Variants in ZNF521 observed in about 807,000 individuals in gnomAD.
ZNF521 encodes LYST-interacting protein 3.
Under a neutral mutation model 105.5 loss-of-function variants are expected in ZNF521, and 14 were observed. That is an observed-to-expected ratio of 0.13 (90% CI 0.09 to 0.21). The LOEUF (loss-of-function observed/expected upper bound fraction) is 0.21. Among genes scored for constraint, ZNF521 ranks in the 10% least tolerant of loss-of-function variants. ZNF521 has a pLI of 1.00. For missense variants in ZNF521, 1,233 were observed against 1,629.7 expected (o/e 0.76, Z 4.19); for synonymous variants, 635 against 606.0 (o/e 1.05, Z -0.70).
At chr18:25,135,310 G>GTGTA (rs1177220249) in intron 5 of ZNF521, among the ~76,000 whole-genome samples, 1 of 150,164 alleles carries the variant, frequency 6.7e-6, no homozygotes, top group Non-Finnish European at 1.5e-5. Context: ...GTGTGTGTGT[G>GTGTA]TATGTCTTTG....
intron 4 of ZNF521, among the ~76,000 whole-genome samples, chr18:25,199,999 G>C (rs1047120072): frequency 6.6e-6 from 1 of 152,044 alleles, no homozygotes; most frequent in Admixed American, 6.6e-5. Context: ...AAACAGTCCT[G>C]TTAAGAGTAG....
chr18:25,294,472 T>G (rs1911209607), intron 3 of ZNF521, among the ~76,000 whole-genome samples: 1 of 152,174 alleles, frequency 6.6e-6, no homozygotes, highest in Non-Finnish European at 1.5e-5. Context: ...CAAACTCTGT[T>G]TTTCACCATG....
At chr18:25,203,547 T>C (rs1299902034) in intron 4 of ZNF521, among the ~76,000 whole-genome samples, 4 of 151,958 alleles carry the variant, frequency 2.6e-5, no homozygotes, top group Admixed American at 2.0e-4. Flanking sequence ...AGCTCAGGAG[T>C]TTGAGGCTGC....
At chr18:25,146,981 T>C (rs1282227697) in intron 5 of ZNF521, among the ~76,000 whole-genome samples, 1 of 152,176 alleles carries the variant, frequency 6.6e-6, no homozygotes, top group Non-Finnish European at 1.5e-5. Context: ...AGTAGGAGTA[T>C]GATTACATAG....
At chr18:25,083,359 C>G (rs1209212977) in intron 7 of ZNF521, among the ~76,000 whole-genome samples, 1 of 152,176 alleles carries the variant, frequency 6.6e-6, no homozygotes, top group Admixed American at 6.5e-5. Flanking sequence ...GAACAGAGAA[C>G]TCAGGAAAGT....
intron 5 of ZNF521, among the ~76,000 whole-genome samples, chr18:25,169,794 T>C (rs553230128): frequency 6.4e-4 from 97 of 152,296 alleles, no homozygotes; most frequent in Admixed American, 2.1e-3. Flanking sequence ...ATTAGCAGTT[T>C]AGAAAAACAG....
intron 2 of ZNF521, among the ~76,000 whole-genome samples, chr18:25,338,256 C>CTTTT (rs1219738874): frequency 9.3e-5 from 3 of 32,226 alleles, no homozygotes; most frequent in East Asian, 1.7e-3. Flanking sequence ...CTCTCATAGA[C>CTTTT]TTTTGTGTGT....
intron 5 of ZNF521, among the ~76,000 whole-genome samples, chr18:25,105,800 G>A (rs147557992): frequency 4.3e-4 from 66 of 152,236 alleles, no homozygotes; most frequent in African/African-American, 1.4e-3. Flanking sequence ...TAGTTAAATC[G>A]TGTATGATGC....
Position 25,144,222 on chromosome 18 carries a change from T to C in ZNF521, c.3658+50938A>G, listed in dbSNP as rs145768656. On this transcript the variant is annotated intron_variant, in intron 5 of 7. Coordinates refer to ENST00000361524, the MANE Select transcript of ZNF521 (RefSeq NM_015461.3). ...ATAATTTTATATTACATAGACTACA[T>C]TGAAAATTTAATATATCCCAGCAAA... Among the ~76,000 whole-genome samples, 17 of 152,240 alleles carry C rather than the reference T, an allele frequency of 1.1e-4. No homozygotes were observed. The East Asian group carries it at 3.3e-3, about 29-fold the overall frequency.
intron 5 of ZNF521, among the ~76,000 whole-genome samples, chr18:25,112,892 C>CTATATCCA (rs369348406): frequency 1.3e-5 from 2 of 152,216 alleles, no homozygotes; most frequent in African/African-American, 4.8e-5. Flanking sequence ...ATATCCAGTG[C>CTATATCCA]TATATCCATA....
intron 5 of ZNF521, among the ~76,000 whole-genome samples, chr18:25,179,263 C>T (rs1462576957): frequency 6.6e-6 from 1 of 150,492 alleles, no homozygotes; most frequent in Non-Finnish European, 1.5e-5. Flanking sequence ...AAGCAATTCT[C>T]CTGCCTCAGC....
chr18:25,084,061 G>A (rs1386738586), intron 7 of ZNF521, among the ~76,000 whole-genome samples: 3 of 148,484 alleles, frequency 2.0e-5, no homozygotes, highest in African/African-American at 7.4e-5. Flanking sequence ...TGGGATTACA[G>A]GCATGAGCCA....
chr18:25,102,322 T>G (rs950751405), intron 5 of ZNF521, among the ~76,000 whole-genome samples: 4 of 151,978 alleles, frequency 2.6e-5, no homozygotes, highest in Admixed American at 6.6e-5. Context: ...TTTTTTGGCT[T>G]AAGTATTTTC....
chr18:25,125,074 T>G (rs1040037522), intron 5 of ZNF521, among the ~76,000 whole-genome samples: 8 of 152,080 alleles, frequency 5.3e-5, no homozygotes, highest in African/African-American at 1.9e-4. Flanking sequence ...CCTCAAAGAG[T>G]ATGCATGGAT....
At chr18:25,350,852 C>T in intron 2 of ZNF521, 55 bp downstream of exon 2, 1 of 1,534,226 alleles carries the variant, frequency 6.5e-7, no homozygotes, top group East Asian at 2.5e-5. Flanking sequence ...CGCTCCGCTA[C>T]CCACAGTGAC....
chr18:25,138,961 A>G (rs1483965704), intron 5 of ZNF521, among the ~76,000 whole-genome samples: 1 of 152,182 alleles, frequency 6.6e-6, no homozygotes, highest in Non-Finnish European at 1.5e-5. Flanking sequence ...GTTGGGTTTT[A>G]GCTGCTGGGA....
At chr18:25,231,391 GA>G (rs983597000) in intron 3 of ZNF521, 1 of 152,276 alleles carries the variant, frequency 6.6e-6, no homozygotes, top group Non-Finnish European at 1.5e-5. Context: ...ATTTATGGGG[GA>G]AAGTGCTCAC....
chr18:25,346,231 T>G (rs563180999), intron 2 of ZNF521, among the ~76,000 whole-genome samples: 5 of 152,150 alleles, frequency 3.3e-5, no homozygotes, highest in African/African-American at 1.2e-4. Flanking sequence ...TCTTTACTGA[T>G]GAGGTTTTTT....
At chr18:25,318,428 T>C (rs151329273) in intron 3 of ZNF521, among the ~76,000 whole-genome samples, 3 of 152,264 alleles carry the variant, frequency 2.0e-5, no homozygotes, top group African/African-American at 7.2e-5. Context: ...CACCAAATTA[T>C]ATACTTATAA....
Sources: allele counts gnomAD v4.1 joint callset (sites outside exome capture counted in the v4.1 genomes callset), GRCh38; gene constraint gnomAD v4.1.1; transcripts MANE v1.5; gene names NCBI Gene and HGNC (gene_info 2026-07-23, HGNC 2026-07-21).